PTPRQ: variants seen among roughly 807,000 people sequenced by gnomAD.
PTPRQ encodes the protein phosphatidylinositol phosphatase PTPRQ.
PTPRQ carries 199 observed loss-of-function variants against 246.0 expected under a neutral mutation model. The ratio of observed to expected loss-of-function variants is 0.81; its 90% CI spans 0.72 to 0.91. The LOEUF (loss-of-function observed/expected upper bound fraction) is 0.91. Ranked by LOEUF, PTPRQ falls within the 40% of genes least tolerant of loss-of-function variation. PTPRQ has a pLI of 0.00. For synonymous variants in PTPRQ, 869 were observed against 853.2 expected (o/e 1.02, Z -0.32); for missense variants, 2,624 against 2,528.4 (o/e 1.04, Z -0.81).
chr12:80,638,749 T>C (rs1899749413), intron 35 of PTPRQ, among the ~76,000 whole-genome samples: 1 of 152,194 alleles, frequency 6.6e-6, no homozygotes, highest in African/African-American at 2.4e-5. Context: ...CAAATAAAGA[T>C]GTAGTACTCT....
At chr12:80,478,720 GT>G (rs1297445937) in intron 8 of PTPRQ, among the ~76,000 whole-genome samples, 3 of 152,190 alleles carry the variant, frequency 2.0e-5, no homozygotes, top group Non-Finnish European at 4.4e-5. Context: ...CGAGAACTAC[GT>G]GAAGAATGCA....
chr12:80,638,393 CT>C (rs1899737252), intron 35 of PTPRQ, among the ~76,000 whole-genome samples: 1 of 151,844 alleles, frequency 6.6e-6, no homozygotes, highest in African/African-American at 2.4e-5. Context: ...TTTCTGAGTC[CT>C]GTATGTTTTC....
At chr12:80,646,054 T>G (rs541783800) in intron 35 of PTPRQ, among the ~76,000 whole-genome samples, 1 of 152,310 alleles carries the variant, frequency 6.6e-6, no homozygotes, top group East Asian at 1.9e-4. Flanking sequence ...CTATCCATCT[T>G]TGAGTAAAAT....
chr12:80,550,480 G>A (rs371533649), intron 25 of PTPRQ, among the ~76,000 whole-genome samples: 3 of 152,164 alleles, frequency 2.0e-5, no homozygotes, highest in East Asian at 3.9e-4. Flanking sequence ...TCTGATTTCA[G>A]CATCTAACTC....
At chr12:80,593,647 A>T (rs1005190900) in intron 26 of PTPRQ, 16 of 152,316 alleles carry the variant, frequency 1.1e-4, no homozygotes, top group East Asian at 7.7e-4. Flanking sequence ...TAAAAATTTT[A>T]AAAAATGGCA....
At chr12:80,568,180 A>C (rs1206585866) in intron 25 of PTPRQ, among the ~76,000 whole-genome samples, 1 of 152,214 alleles carries the variant, frequency 6.6e-6, no homozygotes, top group Non-Finnish European at 1.5e-5. Flanking sequence ...CAAAACTTCA[A>C]GTGTCAATTA....
At chr12:80,672,049 A>G (rs1277480697) in intron 42 of PTPRQ, among the ~76,000 whole-genome samples, 1 of 151,946 alleles carries the variant, frequency 6.6e-6, no homozygotes, top group Non-Finnish European at 1.5e-5. Context: ...CTTTTCAAAT[A>G]TTACATTATC....
At chr12:80,567,714 A>G (rs1897020940) in intron 25 of PTPRQ, among the ~76,000 whole-genome samples, 2 of 152,110 alleles carry the variant, frequency 1.3e-5, no homozygotes, top group South Asian at 4.1e-4. Flanking sequence ...GGACATATGG[A>G]TTGTTTCTAT....
At chr12:80,571,338 C>T (rs150572828) in intron 25 of PTPRQ, among the ~76,000 whole-genome samples, 3,082 of 152,284 alleles carry the variant, frequency 0.02, 97 homozygotes, top group African/African-American at 0.069. Context: ...CAGGGTTTCA[C>T]CCTGTTGGTC....
At chr12:80,614,207 A>T (rs1347906657) in intron 29 of PTPRQ, among the ~76,000 whole-genome samples, 3 of 150,858 alleles carry the variant, frequency 2.0e-5, no homozygotes, top group Non-Finnish European at 4.5e-5. Flanking sequence ...AGGACAAAAG[A>T]CAGAAATAAT....
intron 26 of PTPRQ, among the ~76,000 whole-genome samples, chr12:80,603,969 A>G (rs897011373): frequency 2.0e-5 from 3 of 151,570 alleles, no homozygotes; most frequent in Non-Finnish European, 3.0e-5. Flanking sequence ...TGTTTTCATA[A>G]TTTCTTTTAA....
At chr12:80,576,422 T>C (rs1897280695) in intron 25 of PTPRQ, among the ~76,000 whole-genome samples, 1 of 152,016 alleles carries the variant, frequency 6.6e-6, no homozygotes, top group Admixed American at 6.6e-5. Flanking sequence ...ATTATAGGCG[T>C]GAGCCCCCAT....
intron 3 of PTPRQ, among the ~76,000 whole-genome samples, chr12:80,455,439 C>T (rs994008812): frequency 2.6e-5 from 4 of 152,096 alleles, no homozygotes; most frequent in African/African-American, 9.7e-5. Context: ...CTTGTTTTTA[C>T]ATGTCTGTTG....
chr12:80,477,581 G>T (rs368441771), intron 8 of PTPRQ, among the ~76,000 whole-genome samples: 5 of 152,170 alleles, frequency 3.3e-5, no homozygotes, highest in Admixed American at 1.3e-4. Flanking sequence ...CGTGAACGAC[G>T]CAGAAGACGG....
chr12:80,646,618 T>C (rs1156804195), intron 35 of PTPRQ, among the ~76,000 whole-genome samples: 1 of 152,144 alleles, frequency 6.6e-6, no homozygotes, highest in African/African-American at 2.4e-5. Context: ...CAGGTCCTTG[T>C]AGTAGGAAAC....
intron 26 of PTPRQ, among the ~76,000 whole-genome samples, chr12:80,593,090 C>T (rs993101903): frequency 1.3e-5 from 2 of 152,070 alleles, no homozygotes; most frequent in African/African-American, 2.4e-5. Flanking sequence ...AGAGAAAAGA[C>T]TAAACAACAA....
At chr12:80,520,160 G>T (rs930312321) in intron 17 of PTPRQ, among the ~76,000 whole-genome samples, 2 of 152,082 alleles carry the variant, frequency 1.3e-5, no homozygotes, top group Non-Finnish European at 2.9e-5. Flanking sequence ...TGGTTTGGTT[G>T]TGTCCCCACC....
intron 32 of PTPRQ, among the ~76,000 whole-genome samples, chr12:80,621,100 G>A (rs528457525): frequency 2.0e-5 from 3 of 151,618 alleles, no homozygotes; most frequent in Non-Finnish European, 4.4e-5. Flanking sequence ...GTGCCTGTTA[G>A]TTAAAACATT....
rs1308250324 is a variant in PTPRQ at position 80,679,867 on chromosome 12, T to C, written c.*844T>C. 6.6e-6 allele frequency: 1 copy of C among 151,872 alleles called. No homozygotes were observed. Among genetic ancestry groups the C allele is most frequent in the Admixed American group, 6.6e-5 (1 of 15,210 alleles). The allele number at this position is 151,872 out of a possible 1,614,324, so 9.4% of individuals were successfully genotyped here. A position where few individuals can be genotyped will look rare whatever the true frequency, so the allele number is the denominator to read the frequency against. ...GAAGAGTTTCTTCAGCAAAAATGTA[T>C]CAAAAGAGTAATAAAAACACTGTGC... is the stretch of plus-strand genomic sequence containing the variant. On this transcript the variant is annotated 3_prime_UTR_variant, in exon 45 of 45. Coordinates refer to ENST00000644991, the MANE Select transcript of PTPRQ (RefSeq NM_001145026.2).
Sources: gnomAD v4.1 joint callset for allele counts (sites outside exome capture counted in the v4.1 genomes callset) on GRCh38, gnomAD v4.1.1 for gene constraint, MANE v1.5 for transcripts, NCBI Gene and HGNC (gene_info 2026-07-23, HGNC 2026-07-21) for gene names.